Variants in ATP8A2 observed in about 807,000 individuals in gnomAD.
ATP8A2 encodes ATPase phospholipid transporting 8A2, also known as phospholipid-transporting ATPase IB.
In ATP8A2, 100 loss-of-function variants were observed where a neutral mutation model predicts 165.6. The ratio of observed to expected loss-of-function variants is 0.60; its 90% CI spans 0.51 to 0.71. The LOEUF is 0.71. Ranked by LOEUF, ATP8A2 falls within the 30% of genes least tolerant of loss-of-function variation. The pLI is 0.00. For synonymous variants in ATP8A2, 543 were observed against 548.8 expected (o/e 0.99, Z 0.15); for missense variants, 1,227 against 1,479.5 (o/e 0.83, Z 2.80).
chr13:25,448,873 C>G (rs1320088117), intron 1 of ATP8A2, among the ~76,000 whole-genome samples: 1 of 152,118 alleles, frequency 6.6e-6, no homozygotes, highest in Non-Finnish European at 1.5e-5. Flanking sequence ...CCATGTTAGT[C>G]AGGCTGGTCT....
intron 2 of ATP8A2, among the ~76,000 whole-genome samples, chr13:25,497,681 G>A (rs181508476): frequency 1.3e-5 from 2 of 152,204 alleles, no homozygotes; most frequent in Admixed American, 6.5e-5. Context: ...AGCCGGGCAC[G>A]GTGGCTCATG....
At chr13:25,422,109 AT>A (rs1385254331) in intron 1 of ATP8A2, among the ~76,000 whole-genome samples, 4 of 152,198 alleles carry the variant, frequency 2.6e-5, no homozygotes, top group Non-Finnish European at 5.9e-5. Context: ...ACAAAGCAGT[AT>A]CATTGCCCCC....
intron 30 of ATP8A2, among the ~76,000 whole-genome samples, chr13:25,851,521 T>C (rs1952008331): frequency 1.3e-5 from 2 of 150,734 alleles, no homozygotes; most frequent in South Asian, 4.2e-4. Flanking sequence ...AGGCAGAGTT[T>C]GCAGCAAGCT....
chr13:25,994,901 G>A (rs1301520913), intron 35 of ATP8A2, among the ~76,000 whole-genome samples: 1 of 152,068 alleles, frequency 6.6e-6, no homozygotes, highest in Non-Finnish European at 1.5e-5. Flanking sequence ...ATTGGGAAGT[G>A]TCTTTTCCTT....
intron 27 of ATP8A2, among the ~76,000 whole-genome samples, chr13:25,827,339 TG>T (rs1460649990): frequency 5.9e-5 from 9 of 152,206 alleles, no homozygotes; most frequent in Non-Finnish European, 1.3e-4. Flanking sequence ...CTCAAACTCC[TG>T]TCCTCAGGTG....
chr13:25,826,744 C>T (rs1951327081), intron 27 of ATP8A2, among the ~76,000 whole-genome samples: 1 of 152,186 alleles, frequency 6.6e-6, no homozygotes, highest in Non-Finnish European at 1.5e-5. Flanking sequence ...ACTCTCATAT[C>T]TCATATAAAT....
chr13:25,593,090 C>T (rs2040134698), intron 24 of ATP8A2, among the ~76,000 whole-genome samples: 2 of 152,114 alleles, frequency 1.3e-5, no homozygotes, highest in African/African-American at 4.8e-5. Flanking sequence ...TAAAACCATT[C>T]CTATTCTTAT....
At chr13:25,939,471 C>G (rs1037933862) in intron 33 of ATP8A2, among the ~76,000 whole-genome samples, 1 of 152,194 alleles carries the variant, frequency 6.6e-6, no homozygotes, top group African/African-American at 2.4e-5. Flanking sequence ...GGCCTCTCTT[C>G]TGGTTCATGT....
intron 25 of ATP8A2, among the ~76,000 whole-genome samples, chr13:25,704,042 TTGAA>T (rs78104827): frequency 0.048 from 7,248 of 152,312 alleles, 214 homozygotes; most frequent in Middle Eastern, 0.099. Context: ...GTTCACTCAT[TTGAA>T]TGAAATGTTT....
Position 25,458,850 on chromosome 13 carries a change from C to G in ATP8A2, c.77-10127C>G, listed in dbSNP as rs553754594. On this transcript the variant is annotated intron_variant, in intron 1 of 36. Coordinates refer to ENST00000381655, the MANE Select transcript of ATP8A2 (RefSeq NM_016529.6). ...GGAGCTAATCTGAAAGCTCCTGGGG[C>G]CTCTCTGGGACCTCGCTTGGTAGGG... Among the ~76,000 whole-genome samples, 18 of 152,252 alleles carry G rather than the reference C, an allele frequency of 1.2e-4. No homozygotes were observed. The East Asian group carries it at 3.3e-3, about 28-fold the overall frequency.
chr13:25,844,462 C>T (rs1951814797), intron 30 of ATP8A2, among the ~76,000 whole-genome samples: 1 of 152,118 alleles, frequency 6.6e-6, no homozygotes, highest in African/African-American at 2.4e-5. Flanking sequence ...AACTCCTGAC[C>T]TCGTGATCTG....
At chr13:25,832,797 C>T (rs1389774966) in intron 28 of ATP8A2, among the ~76,000 whole-genome samples, 1 of 152,162 alleles carries the variant, frequency 6.6e-6, no homozygotes, top group Non-Finnish European at 1.5e-5. Flanking sequence ...ATCAAGATGC[C>T]TGCCATCACT....
At chr13:25,525,899 C>T (rs116032254) in intron 2 of ATP8A2, among the ~76,000 whole-genome samples, 1,814 of 152,140 alleles carry the variant, frequency 0.012, 36 homozygotes, top group African/African-American at 0.041. Context: ...CTTTTTACTC[C>T]TTGCTCTTGT....
intron 1 of ATP8A2, among the ~76,000 whole-genome samples, chr13:25,448,546 G>T (rs2035130088): frequency 6.6e-6 from 1 of 152,136 alleles, no homozygotes; most frequent in Admixed American, 6.5e-5. Context: ...TTTGTCTACG[G>T]TCTCATGAAT....
At chr13:25,721,476 T>G (rs1190213282) in intron 25 of ATP8A2, among the ~76,000 whole-genome samples, 1 of 152,228 alleles carries the variant, frequency 6.6e-6, no homozygotes, top group African/African-American at 2.4e-5. Context: ...TCCAGCAGTT[T>G]CACAGTTTCA....
At chr13:25,673,662 C>A (rs2042312218) in intron 24 of ATP8A2, among the ~76,000 whole-genome samples, 1 of 152,166 alleles carries the variant, frequency 6.6e-6, no homozygotes, top group Admixed American at 6.5e-5. Flanking sequence ...TGATCATAAT[C>A]TTCCATATAT....
intron 1 of ATP8A2, among the ~76,000 whole-genome samples, chr13:25,451,605 G>A (rs1033111382): frequency 3.3e-5 from 5 of 151,984 alleles, no homozygotes; most frequent in African/African-American, 9.7e-5. Flanking sequence ...CTATTTCCTT[G>A]GTAATTGATG....
intron 25 of ATP8A2, among the ~76,000 whole-genome samples, chr13:25,703,395 A>G (rs2042990771): frequency 6.6e-6 from 1 of 152,156 alleles, no homozygotes; most frequent in Admixed American, 6.5e-5. Flanking sequence ...TTTTAAAAAC[A>G]TATTTTCCTC....
intron 33 of ATP8A2, among the ~76,000 whole-genome samples, chr13:25,890,183 A>G (rs972165583): frequency 6.6e-6 from 1 of 151,876 alleles, no homozygotes; most frequent in Admixed American, 6.6e-5. Flanking sequence ...AAGAAAAAAA[A>G]TTTTACCGTC....
Sources: allele counts gnomAD v4.1 joint callset (sites outside exome capture counted in the v4.1 genomes callset), GRCh38; gene constraint gnomAD v4.1.1; transcripts MANE v1.5; gene names NCBI Gene and HGNC (gene_info 2026-07-23, HGNC 2026-07-21).